Variants in TRAPPC9 observed in about 807,000 individuals in gnomAD.
The protein encoded by TRAPPC9 is trafficking protein particle complex subunit 9, also known as IKK2 binding protein.
Under a neutral mutation model 124.0 loss-of-function variants are expected in TRAPPC9, and 83 were observed. The observed-to-expected ratio is 0.67, with a 90% CI of 0.56 to 0.80. The LOEUF (loss-of-function observed/expected upper bound fraction) is 0.80, where lower values mean the gene tolerates loss of function less well. TRAPPC9 is among the 30% of genes least tolerant of loss of function. The pLI is 0.00. For missense variants in TRAPPC9, 1,302 were observed against 1,508.3 expected, an observed-to-expected ratio of 0.86 and a Z score of 2.27; for synonymous variants, 638 against 617.5, an observed-to-expected ratio of 1.03 and a Z score of -0.49.
At chr8:140,113,242 A>G (rs1314882203) in intron 17 of TRAPPC9, among the ~76,000 whole-genome samples, 3 of 152,196 alleles carry the variant, frequency 2.0e-5, no homozygotes, top group Non-Finnish European at 2.9e-5. Context: ...CATTTCAGGG[A>G]GATTGACACA....
chr8:139,851,440 C>G (rs553012855), intron 21 of TRAPPC9, among the ~76,000 whole-genome samples: 2 of 152,258 alleles, frequency 1.3e-5, no homozygotes, highest in East Asian at 3.9e-4. Flanking sequence ...ATGCGAGTGA[C>G]AACAGGATGG....
At chr8:139,810,572 A>G (rs1824371942) in intron 21 of TRAPPC9, among the ~76,000 whole-genome samples, 1 of 152,120 alleles carries the variant, frequency 6.6e-6, no homozygotes, top group Admixed American at 6.5e-5. Context: ...ACCACTGCGT[A>G]AAGCTCTCCT....
In TRAPPC9 at chr8:140,023,941, T is replaced by G; in HGVS notation, c.2695A>C (p.Thr899Pro). ...FFTRVSTLPA[T>P]STRQCHLLLD... ...GTGCGGCAGGAAGACATTTACCTGG[T>G]TGCTGGGAGGGTGCTGACTCGGGTG... is the stretch of plus-strand genomic sequence containing the variant. Residue 899 changes from threonine (T) to proline (P), a missense_variant, in exon 18 of 23, where the codon ACC becomes CCC. Coordinates refer to ENST00000438773, the MANE Select transcript of TRAPPC9 (RefSeq NM_001160372.4). 1 of 1,614,002 alleles carries G rather than the reference T, an allele frequency of 6.2e-7. No individual in the cohort carries two copies. The highest frequency in any genetic ancestry group is 8.5e-7 in the Non-Finnish European group (1 of 1,179,922).
intron 10 of TRAPPC9, among the ~76,000 whole-genome samples, chr8:140,308,533 AATC>A (rs2066201398): frequency 6.6e-6 from 1 of 152,116 alleles, no homozygotes; most frequent in African/African-American, 2.4e-5. Context: ...GTCTTCAGAA[AATC>A]ATCACGAATA....
chr8:139,936,670 G>A (rs999556719), intron 19 of TRAPPC9, among the ~76,000 whole-genome samples: 4 of 152,268 alleles, frequency 2.6e-5, no homozygotes, highest in Admixed American at 2.0e-4. Flanking sequence ...ATGGGGGAGC[G>A]GGCACCACAG....
rs1168728659 is a variant in TRAPPC9 at position 140,164,343 on chromosome 8, T to G, written c.2556+57116A>C. Among the ~76,000 whole-genome samples, 3 of 152,354 alleles carry G rather than the reference T, an allele frequency of 2.0e-5. No individual in the cohort carries two copies. In the East Asian group the frequency reaches 5.8e-4, roughly 29 times the overall value. ...TCCTAAGTCGTCAACAAATCCACATTGCCAAATTCAGGGGCTATTTTTCAC... is the reference window on the plus strand; with the variant it reads ...TCCTAAGTCGTCAACAAATCCACATGGCCAAATTCAGGGGCTATTTTTCAC... On this transcript the variant is annotated intron_variant, in intron 17 of 22. Transcript: ENST00000438773.
intron 9 of TRAPPC9, among the ~76,000 whole-genome samples, chr8:140,350,480 G>A (rs1245315454): frequency 6.6e-6 from 1 of 152,238 alleles, no homozygotes; most frequent in African/African-American, 2.4e-5. Flanking sequence ...ATATCAAAGG[G>A]AGGCTGTCCA....
intron 17 of TRAPPC9, among the ~76,000 whole-genome samples, chr8:140,184,529 G>A (rs544357558): frequency 3.3e-5 from 5 of 152,176 alleles, no homozygotes; most frequent in South Asian, 4.2e-4. Context: ...TCCACCTCCC[G>A]GGTTCAAGCA....
chr8:139,858,755 C>G (rs1827952317), intron 21 of TRAPPC9, among the ~76,000 whole-genome samples: 1 of 151,958 alleles, frequency 6.6e-6, no homozygotes, highest in African/African-American at 2.4e-5. Context: ...TCTGTGCCTT[C>G]AAGCAGCACC....
intron 19 of TRAPPC9, among the ~76,000 whole-genome samples, chr8:139,968,250 C>T (rs760632188): frequency 1.1e-4 from 16 of 152,288 alleles, no homozygotes; most frequent in Non-Finnish European, 1.5e-4. Flanking sequence ...CTGAGAAACC[C>T]GCACCCCTGG....
chr8:140,056,142 C>T (rs1216471755), intron 17 of TRAPPC9, among the ~76,000 whole-genome samples: 2 of 152,070 alleles, frequency 1.3e-5, no homozygotes, highest in African/African-American at 2.4e-5. Flanking sequence ...GGCACAGTGA[C>T]TCATGCCTGG....
In TRAPPC9 at chr8:140,221,440, G is replaced by A. The variant is rs777735668; in HGVS notation, c.2556+19C>T. ...GCCCGAACGGCACGTGGCAGATGCCGTCTGCCATACCAACTCACCTTCACG... is the reference window on the plus strand; with the variant it reads ...GCCCGAACGGCACGTGGCAGATGCCATCTGCCATACCAACTCACCTTCACG... On this transcript the variant is annotated intron_variant, in intron 17 of 22. Coordinates refer to ENST00000438773, the MANE Select transcript of TRAPPC9 (RefSeq NM_001160372.4). The A allele has an allele frequency of 1.6e-5, 26 of 1,613,558 alleles. No homozygotes were observed. The highest frequency in any genetic ancestry group is 2.7e-5 in the African/African-American group (2 of 74,896).
chr8:140,258,292 G>A (rs1026273020), intron 15 of TRAPPC9, among the ~76,000 whole-genome samples: 28 of 152,360 alleles, frequency 1.8e-4, no homozygotes, highest in South Asian at 2.1e-4. Context: ...CTTGTTCTCC[G>A]CGTTCACACG....
At chr8:140,451,704 C>T (rs569754642) in intron 1 of TRAPPC9, among the ~76,000 whole-genome samples, 67 of 152,252 alleles carry the variant, frequency 4.4e-4, no homozygotes, top group Admixed American at 4.6e-4. Flanking sequence ...AATGAATAAA[C>T]ACGTGTGTAA....
intron 9 of TRAPPC9, among the ~76,000 whole-genome samples, chr8:140,356,278 G>A (rs941489138): frequency 6.6e-6 from 1 of 152,210 alleles, no homozygotes; most frequent in Non-Finnish European, 1.5e-5. Flanking sequence ...CCATTTCATG[G>A]ACACACGTGT....
intron 13 of TRAPPC9, among the ~76,000 whole-genome samples, chr8:140,286,322 G>A (rs948152604): frequency 1.3e-5 from 2 of 152,222 alleles, no homozygotes; most frequent in Non-Finnish European, 2.9e-5. Flanking sequence ...CTTAAGGACT[G>A]GGCCTTGATA....
intron 17 of TRAPPC9, among the ~76,000 whole-genome samples, chr8:140,028,942 A>G (rs557506905): frequency 4.5e-4 from 69 of 152,338 alleles, no homozygotes; most frequent in African/African-American, 1.5e-3. Context: ...ACTAAAACCT[A>G]CTTCTTGAAA....
chr8:139,903,408 G>A (rs1239883057), intron 20 of TRAPPC9, among the ~76,000 whole-genome samples: 1 of 152,092 alleles, frequency 6.6e-6, no homozygotes, highest in Non-Finnish European at 1.5e-5. Context: ...GCCAAACTGC[G>A]CACCCAATTC....
chr8:140,213,636 G>T (rs1226817462), intron 17 of TRAPPC9, among the ~76,000 whole-genome samples: 2 of 151,632 alleles, frequency 1.3e-5, no homozygotes, highest in Non-Finnish European at 2.9e-5. Flanking sequence ...GCTCCCACAG[G>T]AGCTTCCCAT....
Sources: allele counts gnomAD v4.1 joint callset (sites outside exome capture counted in the v4.1 genomes callset), GRCh38; gene constraint gnomAD v4.1.1; transcripts MANE v1.5; gene names NCBI Gene and HGNC (gene_info 2026-07-23, HGNC 2026-07-21).